The following KIAA1549L variants were observed in gnomAD, a reference collection of about 807,000 sequenced individuals.
The protein encoded by KIAA1549L is UPF0606 protein KIAA1549L.
Under a neutral mutation model 160.7 loss-of-function variants are expected in KIAA1549L, and 88 were observed. The ratio of observed to expected loss-of-function variants is 0.55; its 90% CI spans 0.46 to 0.65. KIAA1549L has a LOEUF of 0.65. Ranked by LOEUF, KIAA1549L falls within the 30% of genes least tolerant of loss-of-function variation. The pLI, the probability that KIAA1549L is intolerant of heterozygous loss-of-function variation, is 0.00. For missense variants in KIAA1549L, 2,258 were observed against 2,437.5 expected, an observed-to-expected ratio of 0.93 and a Z score of 1.55; for synonymous variants, 950 against 976.7, an observed-to-expected ratio of 0.97 and a Z score of 0.51.
At chr11:33,604,479 G>A (rs1328811495) in intron 13 of KIAA1549L, among the ~76,000 whole-genome samples, 1 of 152,060 alleles carries the variant, frequency 6.6e-6, no homozygotes, top group East Asian at 1.9e-4. Context: ...ATGAAAAGAA[G>A]TATTATATGA....
At position 33,440,130 on chromosome 11, in the gene KIAA1549L, T is replaced by C. The variant is rs1275332357; in HGVS notation, c.238+63241T>C. ...TCACCTATTTTGTTTCTTTTTTTTT[T>C]TTTTTTTTTTTTTTTTTGAGACGGA... is the stretch of plus-strand genomic sequence containing the variant. On this transcript the variant is annotated intron_variant, in intron 1 of 20. Transcript: ENST00000658780. Among the ~76,000 whole-genome samples, 13 of 61,166 alleles carry C rather than the reference T, an allele frequency of 2.1e-4. 1 individual carries two copies. Among genetic ancestry groups the C allele is most frequent in the African/African-American group, 9.0e-4 (13 of 14,484 alleles). The allele number at this position is 61,166 out of a possible 152,430, so 40.1% of individuals were successfully genotyped here.
At chr11:33,534,917 AT>A (rs1402001608) in intron 1 of KIAA1549L, among the ~76,000 whole-genome samples, 3 of 152,138 alleles carry the variant, frequency 2.0e-5, no homozygotes, top group Non-Finnish European at 4.4e-5. Flanking sequence ...TTAGTTTTCT[AT>A]TGCTATGTGA....
At chr11:33,448,024 A>G (rs1590252479) in intron 1 of KIAA1549L, among the ~76,000 whole-genome samples, 1 of 152,312 alleles carries the variant, frequency 6.6e-6, no homozygotes, top group East Asian at 1.9e-4. Context: ...TTGCAAGACA[A>G]AAGCATCTTC....
chr11:33,660,437 C>T (rs556410854), intron 19 of KIAA1549L, among the ~76,000 whole-genome samples: 9 of 152,114 alleles, frequency 5.9e-5, no homozygotes, highest in Admixed American at 2.6e-4. Flanking sequence ...CAGTGGCAGG[C>T]GCTTGTAGTT....
chr11:33,658,393 CT>C (rs958580486), intron 18 of KIAA1549L, among the ~76,000 whole-genome samples: 17 of 152,286 alleles, frequency 1.1e-4, no homozygotes, highest in African/African-American at 3.6e-4. Context: ...TCATCACCCC[CT>C]GGGTCGACCA....
At chr11:33,594,528 A>G (rs962879211) in intron 12 of KIAA1549L, among the ~76,000 whole-genome samples, 7 of 152,226 alleles carry the variant, frequency 4.6e-5, no homozygotes, top group African/African-American at 1.7e-4. Context: ...CTCATCCTCT[A>G]GCAGGCTAGT....
chr11:33,476,782 TA>T (rs1262926125), intron 1 of KIAA1549L, among the ~76,000 whole-genome samples: 4 of 152,206 alleles, frequency 2.6e-5, no homozygotes, highest in African/African-American at 9.6e-5. Flanking sequence ...CTATTACAAA[TA>T]AACTCTCCTA....
At chr11:33,615,716 T>C (rs1397992285) in intron 15 of KIAA1549L, among the ~76,000 whole-genome samples, 1 of 152,186 alleles carries the variant, frequency 6.6e-6, no homozygotes, top group Non-Finnish European at 1.5e-5. Flanking sequence ...TGACAGGGCT[T>C]ACACACTCTC....
chr11:33,480,582 G>A (rs1159883414), intron 1 of KIAA1549L, among the ~76,000 whole-genome samples: 1 of 152,164 alleles, frequency 6.6e-6, no homozygotes, highest in Non-Finnish European at 1.5e-5. Flanking sequence ...GTTTGGGATG[G>A]TGATTTGTAT....
At position 33,376,187 on chromosome 11, in the gene KIAA1549L, C is replaced by T. The variant is rs1167923401; in HGVS notation, c.-465C>T. On this transcript the variant is annotated 5_prime_UTR_variant, in exon 1 of 21. Transcript: ENST00000658780. This position sits in a 1 kb window ranked among gnomAD's most constrained non-coding sequence, Gnocchi z 5.8. ...CCGGAGCCGGGGCTGGAACCCGAAG[C>T]CCAGCGAGGAGCGAGGAGCGAGGAG... Among the ~76,000 whole-genome samples the T allele has an allele frequency of 1.3e-5, 2 of 149,706 alleles. No homozygotes were observed. Among genetic ancestry groups the T allele is most frequent in the African/African-American group, 2.4e-5 (1 of 41,312 alleles).
intron 16 of KIAA1549L, among the ~76,000 whole-genome samples, chr11:33,636,028 A>C (rs1434290065): frequency 6.6e-6 from 1 of 152,302 alleles, no homozygotes; most frequent in South Asian, 2.1e-4. Context: ...ATCCCACTCC[A>C]TCCCACCCAG....
At chr11:33,460,776 G>A (rs1851925927) in intron 1 of KIAA1549L, among the ~76,000 whole-genome samples, 1 of 152,138 alleles carries the variant, frequency 6.6e-6, no homozygotes, top group African/African-American at 2.4e-5. Context: ...TTAAGTATTT[G>A]CGTTTTGTTC....
At chr11:33,666,844 C>A (rs558744492) in intron 20 of KIAA1549L, among the ~76,000 whole-genome samples, 1 of 152,138 alleles carries the variant, frequency 6.6e-6, no homozygotes, top group Non-Finnish European at 1.5e-5. Context: ...CGCCTTAGAC[C>A]GTGGCACTCT....
intron 18 of KIAA1549L, among the ~76,000 whole-genome samples, chr11:33,657,108 G>T (rs925099830): frequency 3.9e-5 from 6 of 152,008 alleles, no homozygotes; most frequent in Admixed American, 1.3e-4. Flanking sequence ...CAGATGCCTG[G>T]AACAGTGTGT....
At chr11:33,509,361 A>G (rs1265050165) in intron 1 of KIAA1549L, among the ~76,000 whole-genome samples, 2 of 152,174 alleles carry the variant, frequency 1.3e-5, no homozygotes, top group East Asian at 1.9e-4. Context: ...TCCTTACTCC[A>G]TTACCAAAAA....
intron 18 of KIAA1549L, among the ~76,000 whole-genome samples, chr11:33,657,467 A>C (rs959490613): frequency 6.6e-6 from 1 of 151,240 alleles, no homozygotes; most frequent in Non-Finnish European, 1.5e-5. Context: ...GAGTTTGTCT[A>C]CCCCTGTCAT....
intron 13 of KIAA1549L, among the ~76,000 whole-genome samples, chr11:33,601,892 A>G (rs1210011272): frequency 6.6e-6 from 1 of 152,236 alleles, no homozygotes; most frequent in Non-Finnish European, 1.5e-5. Flanking sequence ...TCTGTTTCAT[A>G]ATGATGCTTA....
chr11:33,384,829 T>C (rs1030510214), intron 1 of KIAA1549L, among the ~76,000 whole-genome samples: 3 of 152,210 alleles, frequency 2.0e-5, no homozygotes, highest in Admixed American at 1.3e-4. Flanking sequence ...AGTTTTGAGC[T>C]TTTCTTTATA....
chr11:33,409,766 C>CTTT (rs34301559), intron 1 of KIAA1549L, among the ~76,000 whole-genome samples: 21 of 132,166 alleles, frequency 1.6e-4, no homozygotes, highest in African/African-American at 5.9e-4. Context: ...GTTCTCACCT[C>CTTT]TTTTTTTTTT....
Sources: gnomAD v4.1 joint callset for allele counts (sites outside exome capture counted in the v4.1 genomes callset) on GRCh38, gnomAD v4.1.1 for gene constraint, Gnocchi (gnomAD v3.1) non-coding constraint, MANE v1.5 for transcripts, NCBI Gene and HGNC (gene_info 2026-07-23, HGNC 2026-07-21) for gene names.